The following NGEF variants were observed in gnomAD, a reference collection of about 807,000 sequenced individuals.
The protein encoded by NGEF is neuronal guanine nucleotide exchange factor, also known as ephexin-1.
Under a neutral mutation model 80.9 loss-of-function variants are expected in NGEF, and 31 were observed. That is an observed-to-expected ratio of 0.38 (90% CI 0.29 to 0.52). The LOEUF (loss-of-function observed/expected upper bound fraction) is 0.52. Ranked by LOEUF, NGEF falls within the 20% of genes least tolerant of loss-of-function variation. The pLI is 0.84. For missense variants in NGEF, 709 were observed against 926.2 expected (o/e 0.77, Z 3.04); for synonymous variants, 371 against 370.2 (o/e 1.00, Z -0.03).
intron 2 of NGEF, 66 bp downstream of exon 2, chr2:232,974,557 C>A: frequency 2.0e-6 from 3 of 1,533,498 alleles, no homozygotes; most frequent in Non-Finnish European, 2.6e-6. Context: ...TAATGAGGAC[C>A]TTTCAGCACT....
Position 232,933,362 on chromosome 2 carries a change from T to C in NGEF, c.384-6176A>G, listed in dbSNP as rs1364887913. On this transcript the variant is annotated intron_variant, in intron 3 of 14. Coordinates refer to ENST00000264051, the MANE Select transcript of NGEF (RefSeq NM_019850.3). Reference sequence around the variant, plus strand: ...CTCCAGCAGCAAACCAGGAGCCAAGTAGAACTTGGGCGCTGGCCTCCGTGT... The same window carrying C: ...CTCCAGCAGCAAACCAGGAGCCAAGCAGAACTTGGGCGCTGGCCTCCGTGT... Among the ~76,000 whole-genome samples the C allele has an allele frequency of 2.6e-5, 4 of 152,196 alleles. No individual in the cohort carries two copies. The East Asian group carries it at 7.7e-4, about 29-fold the overall frequency.
chr2:232,991,611 A>G (rs1694652050), intron 1 of NGEF, among the ~76,000 whole-genome samples: 1 of 152,224 alleles, frequency 6.6e-6, no homozygotes, highest in Non-Finnish European at 1.5e-5. Context: ...AAATAAGTAG[A>G]AAGATATCCT....
intron 3 of NGEF, among the ~76,000 whole-genome samples, chr2:232,969,174 T>C (rs549376395): frequency 1.3e-5 from 2 of 152,196 alleles, no homozygotes; most frequent in African/African-American, 2.4e-5. Context: ...GAATATTTTA[T>C]AGTAAGATGT....
At chr2:232,909,867 A>G (rs61480831) in intron 5 of NGEF, among the ~76,000 whole-genome samples, 5,059 of 152,352 alleles carry the variant, frequency 0.033, 296 homozygotes, top group African/African-American at 0.11. Context: ...ATGGAACGAC[A>G]CAGTATGTAA....
At chr2:232,928,266 G>C in intron 3 of NGEF, 2 of 687,072 alleles carry the variant, frequency 2.9e-6, no homozygotes, top group Non-Finnish European at 3.6e-6. Flanking sequence ...GGGGCGCCCG[G>C]GCTGGGCGCG....
At position 232,887,126 on chromosome 2, in the gene NGEF, T is replaced by C. The variant is rs538720815; in HGVS notation, c.1347+907A>G. On this transcript the variant is annotated intron_variant, in intron 9 of 14. Transcript: ENST00000264051. ...AGTGATATTCTTTTTACTAAGCTTCTGCCATGGGGTGACAAAGAAGTGGAA... is the reference window on the plus strand; with the variant it reads ...AGTGATATTCTTTTTACTAAGCTTCCGCCATGGGGTGACAAAGAAGTGGAA... 2.0e-5 allele frequency among the ~76,000 whole-genome samples: 3 copies of C among 152,334 alleles called. No homozygotes were observed. The South Asian group carries it at 6.2e-4, about 32-fold the overall frequency.
chr2:232,887,715 C>T (rs976749066), intron 9 of NGEF, among the ~76,000 whole-genome samples: 1 of 152,154 alleles, frequency 6.6e-6, no homozygotes, highest in Admixed American at 6.5e-5. Flanking sequence ...TGTGCATGAT[C>T]GCAGAGCTCC....
intron 3 of NGEF, among the ~76,000 whole-genome samples, chr2:232,956,781 T>TAA (rs57407464): frequency 0.017 from 1,028 of 62,038 alleles, 77 homozygotes; most frequent in African/African-American, 0.06. Context: ...AGACTCCATC[T>TAA]AAAAAAAAAA....
intron 4 of NGEF, among the ~76,000 whole-genome samples, chr2:232,922,472 C>A (rs1692966981): frequency 6.6e-6 from 1 of 152,178 alleles, no homozygotes; most frequent in African/African-American, 2.4e-5. Flanking sequence ...CCGGATACAA[C>A]ATGGAGTTGA....
At chr2:232,964,419 G>A (rs751786295) in intron 3 of NGEF, among the ~76,000 whole-genome samples, 36 of 152,316 alleles carry the variant, frequency 2.4e-4, no homozygotes, top group Middle Eastern at 3.4e-3. Flanking sequence ...TGGGCCGGGC[G>A]CGGTGGCTCG....
At chr2:232,912,383 C>T (rs970704820) in intron 5 of NGEF, among the ~76,000 whole-genome samples, 3 of 152,112 alleles carry the variant, frequency 2.0e-5, no homozygotes, top group Non-Finnish European at 4.4e-5. Context: ...TGCCATATTG[C>T]TCTTTTTATA....
At position 232,879,408 on chromosome 2, in the gene NGEF, G is replaced by A. The variant is rs1328278283; in HGVS notation, c.*81C>T. On this transcript the variant is annotated 3_prime_UTR_variant, in exon 15 of 15. Coordinates refer to ENST00000264051, the MANE Select transcript of NGEF (RefSeq NM_019850.3). ...CTGCCACCTGGGGAGGTGCTGGCCT[G>A]TGCTTCCCAGAGCCCCCCCCCCCCC... 7.2e-6 allele frequency: 10 copies of A among 1,397,654 alleles called. No individual in the cohort carries two copies. The highest frequency in any genetic ancestry group is 1.7e-5 in the African/African-American group (1 of 60,440). 86.6% of individuals were successfully genotyped at this position (1,397,654 alleles called of 1,614,324 possible).
At chr2:233,005,440 G>C (rs1332133747) in intron 1 of NGEF, among the ~76,000 whole-genome samples, 2 of 152,356 alleles carry the variant, frequency 1.3e-5, no homozygotes, top group African/African-American at 4.8e-5. Flanking sequence ...CTGACCCACA[G>C]GACCACTCCT....
intron 3 of NGEF, among the ~76,000 whole-genome samples, chr2:232,954,087 T>C (rs1044186797): frequency 1.3e-5 from 2 of 152,204 alleles, no homozygotes; most frequent in Admixed American, 6.5e-5. Flanking sequence ...GAGGGAGCTG[T>C]GTTGAGAGTC....
Position 232,893,065 on chromosome 2 carries a change from G to A in NGEF, c.990-15C>T, listed in dbSNP as rs201755906. On this transcript the variant is annotated splice_polypyrimidine_tract_variant and intron_variant, in intron 6 of 14. Transcript: ENST00000264051. ...CCAGGAGGAACCTACGAGAGGCAGC[G>A]GCTTGAGGCGGAGGGTGCCCGGGGG... 192 of 1,607,032 alleles carry A rather than the reference G, an allele frequency of 1.2e-4. No homozygotes were observed. In the African/African-American group the frequency reaches 2.1e-3, roughly 18 times the overall value.
intron 5 of NGEF, 89 bp from the exon 6 acceptor site, chr2:232,895,005 C>T: frequency 7.0e-7 from 1 of 1,423,290 alleles, no homozygotes; most frequent in East Asian, 2.3e-5. Context: ...CAGAGGGAGG[C>T]TCAGCAGGGA....
intron 9 of NGEF, among the ~76,000 whole-genome samples, chr2:232,886,156 C>T (rs1189100316): frequency 2.7e-5 from 4 of 150,380 alleles, no homozygotes; most frequent in Non-Finnish European, 5.9e-5. Context: ...TATGCATGTG[C>T]GGTGTGTACT....
chr2:232,922,593 A>G (rs1478236364), intron 4 of NGEF, among the ~76,000 whole-genome samples: 1 of 152,236 alleles, frequency 6.6e-6, no homozygotes, highest in Non-Finnish European at 1.5e-5. Flanking sequence ...AATAACGAGT[A>G]TAAGGTAGGC....
At chr2:232,940,467 C>T (rs1465238108) in intron 3 of NGEF, among the ~76,000 whole-genome samples, 2 of 152,202 alleles carry the variant, frequency 1.3e-5, no homozygotes, top group East Asian at 3.8e-4. Flanking sequence ...ATGCTCCACA[C>T]TCTTTGGCAA....
Sources: allele counts gnomAD v4.1 joint callset (sites outside exome capture counted in the v4.1 genomes callset), GRCh38; gene constraint gnomAD v4.1.1; transcripts MANE v1.5; gene names NCBI Gene and HGNC (gene_info 2026-07-23, HGNC 2026-07-21).